The following IREB2 variants were observed in gnomAD, a reference collection of about 807,000 sequenced individuals.
The protein encoded by IREB2 is iron responsive element binding protein 2.
In IREB2, 39 loss-of-function variants were observed where a neutral mutation model predicts 118.8. The ratio of observed to expected loss-of-function variants is 0.33; its 90% confidence interval spans 0.25 to 0.43. IREB2 has a LOEUF of 0.43. Among genes scored for constraint, IREB2 ranks in the 20% least tolerant of loss-of-function variants. IREB2 has a pLI of 1.00. For missense variants in IREB2, 900 were observed against 1,147.3 expected (o/e 0.78, Z 3.11); for synonymous variants, 372 against 392.2 (o/e 0.95, Z 0.61).
chr15:78,439,194 T>C (rs1187909241), intron 1 of IREB2, among the ~76,000 whole-genome samples: 1 of 152,226 alleles, frequency 6.6e-6, no homozygotes, highest in Non-Finnish European at 1.5e-5. Context: ...GACTTGTCTC[T>C]TTCGGGTAGA....
rs1660683045 is a variant in IREB2 at position 78,488,640 on chromosome 15, T to C, written c.1952-7T>C. The C allele has an allele frequency of 6.3e-7, 1 of 1,586,772 alleles. No individual in the cohort carries two copies. Among genetic ancestry groups the C allele is most frequent in the Non-Finnish European group, 8.5e-7 (1 of 1,172,696 alleles). ...TACTGAGTATCATGTTCAAAAATTTTAACCAGGTACTGACCCCACCGGCAA... is the reference window on the plus strand; with the variant it reads ...TACTGAGTATCATGTTCAAAAATTTCAACCAGGTACTGACCCCACCGGCAA... On this transcript the variant is annotated splice_polypyrimidine_tract_variant and splice_region_variant and intron_variant, in intron 15 of 21. Transcript: ENST00000258886.
chr15:78,464,382 T>A (rs778292321), intron 3 of IREB2, among the ~76,000 whole-genome samples: 3 of 152,200 alleles, frequency 2.0e-5, no homozygotes, highest in Non-Finnish European at 4.4e-5. Context: ...AGCTGGAACA[T>A]CCTCTTCACC....
chr15:78,453,544 G>A (rs2051059134), intron 2 of IREB2, among the ~76,000 whole-genome samples: 1 of 151,940 alleles, frequency 6.6e-6, no homozygotes, highest in Non-Finnish European at 1.5e-5. Flanking sequence ...GGAAATGATT[G>A]ATGACTCTTG....
intron 2 of IREB2, among the ~76,000 whole-genome samples, 163 bp downstream of exon 2, chr15:78,440,044 G>A (rs2050821238): frequency 6.6e-6 from 1 of 152,162 alleles, no homozygotes; most frequent in Admixed American, 6.5e-5. Flanking sequence ...GACAACTTCT[G>A]TTCAGGGAAG....
chr15:78,444,250 G>C (rs1443046018), intron 2 of IREB2, among the ~76,000 whole-genome samples: 1 of 152,070 alleles, frequency 6.6e-6, no homozygotes, highest in Non-Finnish European at 1.5e-5. Context: ...TTTTTAAGGA[G>C]TGGAGAAATC....
Position 78,438,249 on chromosome 15 carries a change from C to CT in IREB2, c.-89_-88insT. 3 of 1,009,698 alleles carry CT rather than the reference C, an allele frequency of 3.0e-6. No homozygotes were observed. The highest frequency in any genetic ancestry group is 2.7e-5 in the South Asian group (2 of 73,308). The allele number at this position is 1,009,698 out of a possible 1,614,324, so 62.5% of individuals were successfully genotyped here. A position where few individuals can be genotyped will look rare whatever the true frequency, so the allele number is the denominator to read the frequency against. ...TTCCTTCTTTCCTCCCTTGCCAGTC[C>CT]GCCTGTCTTCCTCCCCGTCTTCCCT... is the stretch of plus-strand genomic sequence containing the variant. On this transcript the variant is annotated 5_prime_UTR_variant, in exon 1 of 22. Transcript: ENST00000258886.
At chr15:78,471,561 TTAA>T (rs915784287) in intron 6 of IREB2, among the ~76,000 whole-genome samples, 177 bp from the exon 7 acceptor site, 5 of 152,250 alleles carry the variant, frequency 3.3e-5, no homozygotes, top group Admixed American at 2.6e-4. Context: ...TAATTTTGTC[TTAA>T]TAAAAAATAC....
chr15:78,483,390 G>T lies in IREB2; in HGVS notation c.1369G>T (p.Val457Leu), dbSNP rs141558021. 6.2e-7 allele frequency: 1 copy of T among 1,608,000 alleles called. No individual in the cohort carries two copies. Residue 457 changes from valine (V) to leucine (L), a missense_variant, in exon 11 of 22, where the codon GTG becomes TTG. Coordinates refer to ENST00000258886, the MANE Select transcript of IREB2 (RefSeq NM_004136.4). ...AAAAAGACCTCAGGATAGAGTTGCT[G>T]TGACAGATATGAAAAGCGATTTCCA... Reference protein sequence around the residue: ...GPKRPQDRVAVTDMKSDFQAC... With the variant: ...GPKRPQDRVALTDMKSDFQAC...
chr15:78,491,148 G>A (rs1373727010), intron 18 of IREB2, among the ~76,000 whole-genome samples: 5 of 152,136 alleles, frequency 3.3e-5, no homozygotes, highest in Admixed American at 6.6e-5. Context: ...GAATTTAAAT[G>A]TGTATTTTAT....
intron 11 of IREB2, 143 bp from the exon 12 acceptor site, chr15:78,484,618 G>A: frequency 1.7e-6 from 1 of 597,336 alleles, no homozygotes; most frequent in African/African-American, 1.9e-5. Context: ...ACTACTGAAT[G>A]TTATGGGCCT....
chr15:78,461,444 G>A (rs908834098), intron 2 of IREB2, among the ~76,000 whole-genome samples: 11 of 151,996 alleles, frequency 7.2e-5, no homozygotes, highest in African/African-American at 2.7e-4. Context: ...CTTAGAAGTA[G>A]GTTAACAAAT....
rs1223307380 is a variant in IREB2, at chr15:78,499,538, A to G, written c.*1395A>G. 5 of 152,250 alleles carry G rather than the reference A, an allele frequency of 3.3e-5. No homozygotes were observed. Among genetic ancestry groups the G allele is most frequent in the African/African-American group, 1.2e-4 (5 of 41,464 alleles). The allele number at this position is 152,250 out of a possible 1,614,324, so 9.4% of individuals were successfully genotyped here. ...AATGCTGAAACTACCAAACCAGTGGATGAAGACCACTAAGAACTTTGCACA... is the reference window on the plus strand; with the variant it reads ...AATGCTGAAACTACCAAACCAGTGGGTGAAGACCACTAAGAACTTTGCACA... On this transcript the variant is annotated 3_prime_UTR_variant, in exon 22 of 22. Coordinates refer to ENST00000258886, the MANE Select transcript of IREB2 (RefSeq NM_004136.4).
chr15:78,461,600 A>T (rs1232720841), intron 2 of IREB2, among the ~76,000 whole-genome samples: 1 of 152,168 alleles, frequency 6.6e-6, no homozygotes, highest in Non-Finnish European at 1.5e-5. Flanking sequence ...TATATAGAAC[A>T]ATGGTTAGAC....
At chr15:78,488,910 T>C in intron 16 of IREB2, 139 bp downstream of exon 16, 1 of 546,320 alleles carries the variant, frequency 1.8e-6, no homozygotes, top group South Asian at 3.4e-5. Flanking sequence ...AGTTTGTATC[T>C]GGAATCTGTA....
In IREB2 at chr15:78,463,082, T is replaced by C. The variant is rs1312130406; in HGVS notation, c.267T>C (p.Asp89=). 6.3e-7 allele frequency: 1 copy of C among 1,596,246 alleles called. No individual in the cohort carries two copies. Among genetic ancestry groups the C allele is most frequent in the Admixed American group, 1.8e-5 (1 of 54,866 alleles). Residue 89 remains aspartate, a synonymous_variant, in exon 3 of 22, where the codon GAT becomes GAC. Transcript: ENST00000258886. ...TCCCTGCCCGTGTTCTTCTTCAAGA[T>C]TTTACGTGAGTAATGGGTTTATTTT... ...PFFPARVLLQ[D]FTGIPAMVDF...
At chr15:78,477,287 G>A (rs1239096269) in intron 9 of IREB2, among the ~76,000 whole-genome samples, 1 of 152,182 alleles carries the variant, frequency 6.6e-6, no homozygotes, top group East Asian at 1.9e-4. Context: ...ACTAGCTCAT[G>A]GTTTCAGTGG....
intron 2 of IREB2, among the ~76,000 whole-genome samples, chr15:78,445,597 A>C (rs2050916192): frequency 6.6e-6 from 1 of 152,148 alleles, no homozygotes; most frequent in Non-Finnish European, 1.5e-5. Context: ...TTGTCACTTA[A>C]AGGCTGCCTG....
At chr15:78,480,297 T>C (rs944014389) in intron 10 of IREB2, 12 of 152,218 alleles carry the variant, frequency 7.9e-5, no homozygotes, top group African/African-American at 2.9e-4. Context: ...TTTTTTTTCC[T>C]TGTTCACATT....
intron 2 of IREB2, among the ~76,000 whole-genome samples, chr15:78,455,214 A>G (rs1339900189): frequency 6.6e-6 from 1 of 152,196 alleles, no homozygotes; most frequent in East Asian, 1.9e-4. Flanking sequence ...GCTGGTGCCA[A>G]CGAGTAAGGA....
Sources: allele counts gnomAD v4.1 joint callset (sites outside exome capture counted in the v4.1 genomes callset), GRCh38; gene constraint gnomAD v4.1.1; transcripts MANE v1.5; gene names NCBI Gene and HGNC (gene_info 2026-07-23, HGNC 2026-07-21).